Variants in SUGCT observed in about 807,000 individuals in gnomAD.
The protein encoded by SUGCT is succinyl-CoA:glutarate-CoA transferase, also known as succinyl-CoA:glutarate CoA-transferase.
A neutral mutation model predicts 55.0 loss-of-function variants in SUGCT; 41 were observed. The observed-to-expected ratio is 0.74, with a 90% confidence interval of 0.58 to 0.97. The LOEUF (loss-of-function observed/expected upper bound fraction) is 0.97. SUGCT is among the 50% of genes least tolerant of loss of function. The pLI, the probability that SUGCT is intolerant of heterozygous loss-of-function variation, is 0.00. For synonymous variants in SUGCT, 187 were observed against 200.4 expected, an observed-to-expected ratio of 0.93 and a Z score of 0.56; for missense variants, 568 against 547.8, an observed-to-expected ratio of 1.04 and a Z score of -0.37.
At chr7:40,708,574 G>A (rs2128669142) in intron 12 of SUGCT, among the ~76,000 whole-genome samples, 1 of 152,142 alleles carries the variant, frequency 6.6e-6, no homozygotes, top group Non-Finnish European at 1.5e-5. Context: ...TGTTCTTCTT[G>A]TGAATATGGG....
At chr7:40,241,120 T>C (rs900199404) in intron 7 of SUGCT, among the ~76,000 whole-genome samples, 2 of 152,216 alleles carry the variant, frequency 1.3e-5, no homozygotes, top group East Asian at 3.8e-4. Flanking sequence ...TACATTATTA[T>C]ATGCAAATAT....
chr7:40,830,786 G>A (rs1211272246), intron 13 of SUGCT, among the ~76,000 whole-genome samples: 2 of 152,222 alleles, frequency 1.3e-5, no homozygotes, highest in Admixed American at 6.5e-5. Context: ...TCAGAGGACA[G>A]CACAGAAGAC....
At chr7:40,586,213 G>A (rs1320988897) in intron 12 of SUGCT, among the ~76,000 whole-genome samples, 1 of 152,032 alleles carries the variant, frequency 6.6e-6, no homozygotes, top group African/African-American at 2.4e-5. Flanking sequence ...TAAGTGTTAG[G>A]CAATGTTTTT....
intron 9 of SUGCT, among the ~76,000 whole-genome samples, chr7:40,341,425 A>C (rs1377577191): frequency 1.3e-5 from 2 of 152,194 alleles, no homozygotes; most frequent in Admixed American, 6.5e-5. Context: ...AGAAAAAAAA[A>C]GTGTAGAATG....
At chr7:40,490,789 T>C (rs547334128) in intron 11 of SUGCT, among the ~76,000 whole-genome samples, 2 of 151,808 alleles carry the variant, frequency 1.3e-5, no homozygotes, top group East Asian at 3.9e-4. Context: ...CATGATGTTT[T>C]AAGCATTTTT....
intron 9 of SUGCT, among the ~76,000 whole-genome samples, chr7:40,377,816 T>C (rs900222393): frequency 2.6e-5 from 4 of 152,218 alleles, no homozygotes; most frequent in African/African-American, 9.6e-5. Context: ...TTTTAATTTG[T>C]CCTTTATATA....
chr7:40,402,087 T>C (rs550073959), intron 9 of SUGCT, among the ~76,000 whole-genome samples: 1 of 152,306 alleles, frequency 6.6e-6, no homozygotes, highest in Admixed American at 6.5e-5. Flanking sequence ...GGTACTATTC[T>C]AAATGTCTTT....
the SUGCT span, among the ~76,000 whole-genome samples, chr7:40,867,745 C>A: frequency 6.6e-6 from 1 of 152,112 alleles, no homozygotes; most frequent in Non-Finnish European, 1.5e-5. Flanking sequence ...TCTATTAAGC[C>A]ATGAATGAAG....
intron 1 of SUGCT, among the ~76,000 whole-genome samples, chr7:40,135,890 C>T (rs1413886729): frequency 6.6e-6 from 1 of 152,122 alleles, no homozygotes; most frequent in Non-Finnish European, 1.5e-5. Context: ...TTCCTGACCT[C>T]AAGTTATCCT....
At chr7:40,898,002 C>G in the SUGCT span, among the ~76,000 whole-genome samples, 1 of 152,144 alleles carries the variant, frequency 6.6e-6, no homozygotes, top group African/African-American at 2.4e-5. Flanking sequence ...GCTCAGGTTC[C>G]CTTCCGGTGT....
chr7:40,174,672 T>C (rs1784837845), intron 1 of SUGCT, among the ~76,000 whole-genome samples: 1 of 152,166 alleles, frequency 6.6e-6, no homozygotes, highest in Non-Finnish European at 1.5e-5. Flanking sequence ...ATAAAGTTGA[T>C]TATAAAACAT....
At chr7:40,656,803 C>A (rs1234765920) in intron 12 of SUGCT, among the ~76,000 whole-genome samples, 1 of 152,240 alleles carries the variant, frequency 6.6e-6, no homozygotes, top group Admixed American at 6.5e-5. Flanking sequence ...TCCAACCCCA[C>A]TCTTTGGTGT....
chr7:40,789,032 C>T (rs1790179978), intron 13 of SUGCT, among the ~76,000 whole-genome samples: 1 of 152,170 alleles, frequency 6.6e-6, no homozygotes, highest in South Asian at 2.1e-4. Context: ...TATTAGGATC[C>T]TGGTGACAGG....
chr7:40,727,179 G>C (rs919499678), intron 12 of SUGCT, among the ~76,000 whole-genome samples: 2 of 152,040 alleles, frequency 1.3e-5, no homozygotes, highest in Non-Finnish European at 2.9e-5. Flanking sequence ...GCCTTTCACG[G>C]TACACTTTTC....
chr7:40,934,776 C>T, the SUGCT span, among the ~76,000 whole-genome samples: 4 of 152,206 alleles, frequency 2.6e-5, no homozygotes, highest in Admixed American at 6.5e-5. Flanking sequence ...CCTGATCTGC[C>T]GGTTGCTAAG....
intron 12 of SUGCT, among the ~76,000 whole-genome samples, chr7:40,619,105 C>G (rs1414473750): frequency 6.6e-6 from 1 of 152,200 alleles, no homozygotes; most frequent in Non-Finnish European, 1.5e-5. Context: ...CTAGATGACG[C>G]CTTCCATATT....
the SUGCT span, among the ~76,000 whole-genome samples, chr7:40,982,514 T>C: frequency 0.05 from 7,565 of 152,254 alleles, 263 homozygotes; most frequent in South Asian, 0.13. Flanking sequence ...AGCAGTTTAT[T>C]TTCTCACAGT....
At chr7:40,177,377 C>T (rs532419461) in intron 1 of SUGCT, among the ~76,000 whole-genome samples, 26 of 151,500 alleles carry the variant, frequency 1.7e-4, no homozygotes, top group African/African-American at 5.6e-4. Context: ...TCTCCCACTG[C>T]GCCCACTATA....
the SUGCT span, among the ~76,000 whole-genome samples, chr7:40,907,104 TGTGTG>T: frequency 6.6e-4 from 75 of 113,612 alleles, no homozygotes; most frequent in Middle Eastern, 4.0e-3. Context: ...ATAGTGTGTG[TGTGTG>T]TGTGTGTGTG....
Sources: gnomAD v4.1 joint callset for allele counts (sites outside exome capture counted in the v4.1 genomes callset) on GRCh38, gnomAD v4.1.1 for gene constraint, MANE v1.5 for transcripts, NCBI Gene and HGNC (gene_info 2026-07-23, HGNC 2026-07-21) for gene names.